The following CSMD3 variants were observed in gnomAD, a reference collection of about 807,000 sequenced individuals.
CSMD3 encodes the protein CUB and sushi domain-containing protein 3.
Under a neutral mutation model 435.2 loss-of-function variants are expected in CSMD3, and 177 were observed. The ratio of observed to expected loss-of-function variants is 0.41; its 90% CI spans 0.36 to 0.46. The LOEUF is 0.46. Ranked by LOEUF, CSMD3 falls within the 20% of genes least tolerant of loss-of-function variation. The pLI is 0.34. For missense variants in CSMD3, 4,265 were observed against 4,504.6 expected (o/e 0.95, Z 1.52); for synonymous variants, 1,656 against 1,520.5 (o/e 1.09, Z -2.07).
chr8:112,405,227 A>ATG (rs1381827086), intron 35 of CSMD3, among the ~76,000 whole-genome samples: 3 of 109,296 alleles, frequency 2.7e-5, no homozygotes, highest in South Asian at 2.8e-4. Context: ...ATATATATAT[A>ATG]TATATATATA....
chr8:112,438,246 A>G (rs1038040922), intron 32 of CSMD3, among the ~76,000 whole-genome samples: 1 of 152,196 alleles, frequency 6.6e-6, no homozygotes, highest in African/African-American at 2.4e-5. Context: ...AGTTGTTGCC[A>G]TTTTAAGAGG....
At chr8:112,683,609 CT>C (rs1368340838) in intron 15 of CSMD3, among the ~76,000 whole-genome samples, 1 of 151,914 alleles carries the variant, frequency 6.6e-6, no homozygotes, top group Non-Finnish European at 1.5e-5. Context: ...CTGTATTCAT[CT>C]GAGTGACCAA....
intron 22 of CSMD3, among the ~76,000 whole-genome samples, chr8:112,604,496 G>T (rs4590464): frequency 0.57 from 86,939 of 151,890 alleles, 25,378 homozygotes; most frequent in African/African-American, 0.68. Flanking sequence ...ACAACGATCT[G>T]ATCTTTGACA....
At chr8:112,379,564 T>A (rs1006871186) in intron 38 of CSMD3, among the ~76,000 whole-genome samples, 28 of 152,148 alleles carry the variant, frequency 1.8e-4, no homozygotes, top group African/African-American at 6.8e-4. Flanking sequence ...TTTTATGGAT[T>A]GGAATATTTA....
chr8:112,335,486 G>A lies in CSMD3; in HGVS notation c.7020-12C>T, dbSNP rs149924431. ...GGTCTGGTCCATCCCTATGAGACAA[G>A]GATTGGGAAAGGAGGAGAGATCAAG... On this transcript the variant is annotated splice_polypyrimidine_tract_variant and intron_variant, in intron 44 of 70. Transcript: ENST00000297405. The A allele has an allele frequency of 2.2e-4, 355 of 1,613,136 alleles. 2 individuals are homozygous for A. In the African/African-American group the frequency reaches 4.0e-3, roughly 18 times the overall value.
chr8:112,650,241 G>C lies in CSMD3; in HGVS notation c.3113C>G (p.Ser1038Ter), dbSNP rs1332989229. ...IGSTVSFSCD[S>*]GYRLSHEEPL... ...CTCTTCATGACTCAACCTGTATCCT[G>C]AATCACAACTAAATGAAACAGTAGA... Residue 1038 changes from serine to a stop codon, truncating the protein, a stop_gained, in exon 19 of 71, where the codon TCA becomes TGA. Transcript: ENST00000297405. LOFTEE classifies it high-confidence loss of function. 1 of 1,613,718 alleles carries C rather than the reference G, an allele frequency of 6.2e-7. No homozygotes were observed. Among genetic ancestry groups the C allele is most frequent in the Non-Finnish European group, 8.5e-7 (1 of 1,179,786 alleles).
chr8:112,925,340 C>T (rs767183707), intron 9 of CSMD3, among the ~76,000 whole-genome samples: 6 of 151,870 alleles, frequency 4.0e-5, no homozygotes, highest in East Asian at 2.0e-4. Flanking sequence ...GGGAGGATTA[C>T]GAGGTCAGGA....
intron 3 of CSMD3, among the ~76,000 whole-genome samples, chr8:113,268,368 T>G (rs2132399556): frequency 6.6e-6 from 1 of 151,958 alleles, no homozygotes; most frequent in Non-Finnish European, 1.5e-5. Context: ...TTTTACTCAT[T>G]TGGCTCTTTA....
chr8:112,910,482 G>A (rs997675744), intron 10 of CSMD3, among the ~76,000 whole-genome samples: 1 of 151,634 alleles, frequency 6.6e-6, no homozygotes, highest in Non-Finnish European at 1.5e-5. Flanking sequence ...TACCTTCATC[G>A]GCTCCTTCCT....
At chr8:112,737,490 G>A (rs1235300114) in intron 13 of CSMD3, among the ~76,000 whole-genome samples, 1 of 151,924 alleles carries the variant, frequency 6.6e-6, no homozygotes, top group African/African-American at 2.4e-5. Context: ...GAAGGATAGA[G>A]GTTGTTGGTA....
intron 10 of CSMD3, among the ~76,000 whole-genome samples, chr8:112,908,791 A>G (rs1269972057): frequency 2.6e-5 from 4 of 151,746 alleles, no homozygotes; most frequent in South Asian, 4.1e-4. Context: ...AAGATTTCAC[A>G]AAAGTTTTTC....
At position 112,335,465 on chromosome 8, in the gene CSMD3, T is replaced by C; in HGVS notation, c.7029A>G (p.Pro2343=). The stretch of plus-strand genomic sequence containing the variant: ...GACCGATCTGAGGTGAATTTTGGTC[T>C]GGTCCATCCCTATGAGACAAGGATT... The part of the protein sequence containing the change: ...IYDFITVWDG[P]DQNSPQIGQF... Residue 2343 remains proline (P), a synonymous_variant, in exon 45 of 71, where the codon CCA becomes CCG. Coordinates refer to ENST00000297405, the MANE Select transcript of CSMD3 (RefSeq NM_198123.2). 1 of 1,613,988 alleles carries C rather than the reference T, an allele frequency of 6.2e-7. No homozygotes were observed. Among genetic ancestry groups the C allele is most frequent in the Non-Finnish European group, 8.5e-7 (1 of 1,179,920 alleles).
intron 59 of CSMD3, among the ~76,000 whole-genome samples, chr8:112,272,526 G>A (rs906676411): frequency 6.6e-6 from 1 of 151,984 alleles, no homozygotes; most frequent in African/African-American, 2.4e-5. Context: ...TGGGTATAGA[G>A]AATAACATGA....
chr8:112,874,120 A>G (rs1310227222), intron 10 of CSMD3, among the ~76,000 whole-genome samples: 1 of 151,952 alleles, frequency 6.6e-6, no homozygotes, highest in Non-Finnish European at 1.5e-5. Flanking sequence ...CTTTGTTTTC[A>G]TTGGTTTCAA....
chr8:112,687,345 T>C (rs2076035114), intron 14 of CSMD3, among the ~76,000 whole-genome samples: 1 of 152,086 alleles, frequency 6.6e-6, no homozygotes, highest in Non-Finnish European at 1.5e-5. Flanking sequence ...TTTTAAAAAA[T>C]TATCTGCTCA....
intron 10 of CSMD3, among the ~76,000 whole-genome samples, chr8:112,878,787 T>C (rs2081364699): frequency 6.6e-6 from 1 of 152,030 alleles, no homozygotes; most frequent in African/African-American, 2.4e-5. Flanking sequence ...AAGTCAGGGA[T>C]CCCGAATGGA....
chr8:112,459,658 A>G (rs1817243647), intron 32 of CSMD3, among the ~76,000 whole-genome samples: 1 of 152,154 alleles, frequency 6.6e-6, no homozygotes, highest in African/African-American at 2.4e-5. Flanking sequence ...TTTCTGTTTC[A>G]TTGGGCATTA....
rs1253720293 is a variant in CSMD3 at position 113,436,800 on chromosome 8, G to T, written c.55C>A (p.Pro19Thr). 1.9e-6 allele frequency: 3 copies of T among 1,613,964 alleles called. No homozygotes were observed. Among genetic ancestry groups the T allele is most frequent in the South Asian group, 1.1e-5 (1 of 91,076 alleles). The change falls in exon 1 of 71, where the codon CCT becomes ACT. Residue 19 changes from proline (P) to threonine (T), a missense_variant. By Grantham distance (38) the Pro-to-Thr change is conservative. This residue lies in a region of CSMD3 where 731 missense variants were observed against 755.4 expected (regional missense o/e 0.97). Transcript: ENST00000297405. ...SRAKESKPWE[P>T]GKRRCAKCGR... ...CATTTAGCGCATCTTCGCTTGCCAG[G>T]CTCCCAGGGTTTGGATTCCTTTGCT... is the stretch of plus-strand genomic sequence containing the variant.
intron 1 of CSMD3, among the ~76,000 whole-genome samples, chr8:113,420,543 A>G (rs1478245642): frequency 6.6e-6 from 1 of 152,190 alleles, no homozygotes; most frequent in Non-Finnish European, 1.5e-5. Flanking sequence ...CTTAATATTT[A>G]TGTCTACAAT....
Sources: gnomAD v4.1 joint callset for allele counts (sites outside exome capture counted in the v4.1 genomes callset) on GRCh38, gnomAD v4.1.1 for gene constraint, gnomAD v4.1.1 regional missense constraint, MANE v1.5 for transcripts, NCBI Gene and HGNC (gene_info 2026-07-23, HGNC 2026-07-21) for gene names.